The following CASKIN1 variants were observed in gnomAD, a reference collection of about 807,000 sequenced individuals.
CASKIN1 encodes the protein CASK interacting protein 1.
CASKIN1 carries 42 observed loss-of-function variants against 117.5 expected under a neutral mutation model. That is an observed-to-expected ratio of 0.36 (90% CI 0.28 to 0.46). The LOEUF (loss-of-function observed/expected upper bound fraction) is 0.46, where lower values mean the gene tolerates loss of function less well. Ranked by LOEUF, CASKIN1 falls within the 20% of genes least tolerant of loss-of-function variation. The pLI is 1.00. For missense variants in CASKIN1, 2,083 were observed against 2,077.3 expected (o/e 1.00, Z -0.05); for synonymous variants, 1,148 against 961.7 (o/e 1.19, Z -3.59).
rs747871377 is a variant in CASKIN1 at position 2,189,349 on chromosome 16, G to A, written c.391-16C>T. 31 of 1,612,388 alleles carry A rather than the reference G, an allele frequency of 1.9e-5. No individual in the cohort carries two copies. The highest frequency in any genetic ancestry group is 3.3e-5 in the South Asian group (3 of 91,054). On this transcript the variant is annotated splice_polypyrimidine_tract_variant and intron_variant, in intron 4 of 19. Coordinates refer to ENST00000343516, the MANE Select transcript of CASKIN1 (RefSeq NM_020764.4). ...GCATCTCAGACTGGGGGCCAAGGGC[G>A]CAGTCAGGTCCGCACATCCTCAGGC...
In CASKIN1 at chr16:2,185,203, C is replaced by T; in HGVS notation, c.1151-4G>A. ...ATGCTGCCGCTTCGGTCCCCACCTG[C>T]CAGCACAAGGGAGCAAGATGAGGCC... is the stretch of plus-strand genomic sequence containing the variant. On this transcript the variant is annotated splice_polypyrimidine_tract_variant and splice_region_variant and intron_variant, in intron 11 of 19. Coordinates refer to ENST00000343516, the MANE Select transcript of CASKIN1 (RefSeq NM_020764.4). 6.2e-7 allele frequency: 1 copy of T among 1,611,480 alleles called. No individual in the cohort carries two copies. The highest frequency in any genetic ancestry group is 1.1e-5 in the South Asian group (1 of 90,838).
In CASKIN1 at chr16:2,180,355, C is replaced by T. The variant is rs749819495; in HGVS notation, c.3013G>A (p.Ala1005Thr). ...ATGGAGGACAGCTCCAGCATGGCCG[C>T]GATGCTCTTCACACTGCCGGCACTA... Reference protein sequence around the residue: ...TGSAGSVKSIAAMLELSSIGG... With the variant: ...TGSAGSVKSITAMLELSSIGG... Residue 1005 changes from alanine (A) to threonine (T), a missense_variant, in exon 18 of 20, where the codon GCG becomes ACG. By Grantham distance (58) the Ala-to-Thr change is moderately conservative. This residue lies in a region of CASKIN1 where 1,818 missense variants were observed against 1,688.9 expected (regional missense o/e 1.08). Coordinates refer to ENST00000343516, the MANE Select transcript of CASKIN1 (RefSeq NM_020764.4). 8.8e-6 allele frequency: 14 copies of T among 1,596,322 alleles called. No individual in the cohort carries two copies. Among genetic ancestry groups the T allele is most frequent in the African/African-American group, 1.3e-5 (1 of 74,762 alleles).
Position 2,183,870 on chromosome 16 carries a change from G to A in CASKIN1, c.1488C>T (p.Ala496=), listed in dbSNP as rs556230384. The change falls in exon 15 of 20, where the codon GCC becomes GCT. Residue 496 remains alanine, a synonymous_variant. Coordinates refer to ENST00000343516, the MANE Select transcript of CASKIN1 (RefSeq NM_020764.4). ...LQLYAPNFIS[A]GYDLPTISRM... ...GGCTGATGGTGGGCAGGTCGTAGCC[G>A]GCGCTGATGAAGTTGGGGGCGTAGA... The A allele has an allele frequency of 9.3e-6, 15 of 1,612,680 alleles. No homozygotes were observed. The highest frequency in any genetic ancestry group is 8.9e-5 in the East Asian group (4 of 44,856).
Position 2,178,909 on chromosome 16 carries a change from C to T in CASKIN1, c.4192G>A (p.Gly1398Ser). Residue 1398 changes from glycine (G) to serine (S), a missense_variant, in exon 19 of 20, where the codon GGC (glycine) becomes AGC (serine). Transcript: ENST00000343516. Reference protein sequence around the residue: ...EEKIRQEDAQGPRDSAAEKST... With the variant: ...EEKIRQEDAQSPRDSAAEKST... ...GCCCCGCCCCGCACCTACCGCGGGC[C>T]CTGCGCGTCCTCCTGCCGGATCTTC... 6.8e-7 allele frequency: 1 copy of T among 1,472,546 alleles called. No homozygotes were observed. The highest frequency in any genetic ancestry group is 8.9e-7 in the Non-Finnish European group (1 of 1,121,690). The allele number at this position is 1,472,546 out of a possible 1,614,324, so 91.2% of individuals were successfully genotyped here. A position where few individuals can be genotyped will look rare whatever the true frequency, so the allele number is the denominator to read the frequency against.
intron 1 of CASKIN1, among the ~76,000 whole-genome samples, chr16:2,193,893 G>T (rs1385229854): frequency 6.6e-6 from 1 of 152,240 alleles, no homozygotes; most frequent in Non-Finnish European, 1.5e-5. Flanking sequence ...ACTGAGAAGG[G>T]CCTGGGGCTG....
intron 1 of CASKIN1, among the ~76,000 whole-genome samples, chr16:2,194,993 A>G (rs955094383): frequency 2.6e-5 from 4 of 152,206 alleles, no homozygotes; most frequent in Non-Finnish European, 5.9e-5. Flanking sequence ...GAGGAGACTG[A>G]GGTCCACTGA....
In CASKIN1 at chr16:2,178,545, G is replaced by A. The variant is rs1281321271; in HGVS notation, c.*5C>T. 3 of 1,577,122 alleles carry A rather than the reference G, an allele frequency of 1.9e-6. No homozygotes were observed. The highest frequency in any genetic ancestry group is 2.4e-5 in the East Asian group (1 of 42,282). On this transcript the variant is annotated 3_prime_UTR_variant, in exon 20 of 20. Coordinates refer to ENST00000343516, the MANE Select transcript of CASKIN1 (RefSeq NM_020764.4). ...GCGGCGCGGGAGGGCCCGGCCAGGCGGCGTTCACTCCAGCATGGCATCCAG... is the reference window on the plus strand; with the variant it reads ...GCGGCGCGGGAGGGCCCGGCCAGGCAGCGTTCACTCCAGCATGGCATCCAG...
rs1181751803 is a variant in CASKIN1, at chr16:2,182,585, A to G, written c.1630-656T>C. ...CCCGTGGGACCCGGACCTGACCCCT[A>G]GGAGGATCCCCGAGCCACCAATTGA... On this transcript the variant is annotated intron_variant, in intron 16 of 19. Transcript: ENST00000343516. The surrounding 1 kb of genome is among the most constrained non-coding windows in gnomAD (Gnocchi z 4.1). Among the ~76,000 whole-genome samples, 1 of 152,164 alleles carries G rather than the reference A, an allele frequency of 6.6e-6. No individual in the cohort carries two copies. Among genetic ancestry groups the G allele is most frequent in the Non-Finnish European group, 1.5e-5 (1 of 68,012 alleles).
At chr16:2,188,213 G>A (rs576660388) in intron 6 of CASKIN1, among the ~76,000 whole-genome samples, 19 of 151,748 alleles carry the variant, frequency 1.3e-4, no homozygotes, top group African/African-American at 4.4e-4. Flanking sequence ...TAGAGATGGG[G>A]TCTCTCTCTG....
At chr16:2,189,373 GC>G in intron 4 of CASKIN1, 40 bp from the exon 5 acceptor site, 3 of 1,610,948 alleles carry the variant, frequency 1.9e-6, no homozygotes, top group Non-Finnish European at 2.5e-6. Context: ...ACATCCTCAG[GC>G]CGCGCTGCCC....
chr16:2,179,177 G>A lies in CASKIN1; in HGVS notation c.3924C>T (p.Pro1308=). Residue 1308 remains proline (P), a synonymous_variant, in exon 19 of 20, where the codon CCC becomes CCT. Transcript: ENST00000343516. This position sits in a 1 kb window ranked among gnomAD's most constrained non-coding sequence, Gnocchi z 5.8. Reference sequence around the variant, plus strand: ...TACCGGGCGGCTTGGCGAGGGCGGCGGGCGGCTGTCGCGCGGGCGAGGGTG... The same window carrying A: ...TACCGGGCGGCTTGGCGAGGGCGGCAGGCGGCTGTCGCGCGGGCGAGGGTG... ...SPAPSPARQP[P]AALAKPPGTP... is the part of the protein sequence containing the mutation. 9.0e-7 allele frequency: 1 copy of A among 1,117,194 alleles called. No homozygotes were observed. The highest frequency in any genetic ancestry group is 1.7e-5 in the African/African-American group (1 of 59,944). The allele number at this position is 1,117,194 out of a possible 1,614,324, so 69.2% of individuals were successfully genotyped here.
chr16:2,178,528 G>A lies in CASKIN1; in HGVS notation c.*22C>T, dbSNP rs1408331438. Reference sequence around the variant, plus strand: ...GTGCGGGGAGGGCCCGGGCGGCGCGGGAGGGCCCGGCCAGGCGGCGTTCAC... The same window carrying A: ...GTGCGGGGAGGGCCCGGGCGGCGCGAGAGGGCCCGGCCAGGCGGCGTTCAC... On this transcript the variant is annotated 3_prime_UTR_variant, in exon 20 of 20. Coordinates refer to ENST00000343516, the MANE Select transcript of CASKIN1 (RefSeq NM_020764.4). 2.6e-6 allele frequency: 4 copies of A among 1,555,468 alleles called. No individual in the cohort carries two copies. Among genetic ancestry groups the A allele is most frequent in the African/African-American group, 1.4e-5 (1 of 71,060 alleles).
At position 2,178,118 on chromosome 16, in the gene CASKIN1, C is replaced by T. The variant is rs1177894611; in HGVS notation, c.*432G>A. On this transcript the variant is annotated 3_prime_UTR_variant, in exon 20 of 20. Transcript: ENST00000343516. ...AGCTCATTCCCAATAAATTAATACT[C>T]TTGATAGCTTATATTCTGGGGGTGC... 1 of 506,992 alleles carries T rather than the reference C, an allele frequency of 2.0e-6. No homozygotes were observed. The highest frequency in any genetic ancestry group is 3.8e-6 in the Non-Finnish European group (1 of 261,222). The allele number at this position is 506,992 out of a possible 1,614,324, so 31.4% of individuals were successfully genotyped here.
chr16:2,186,806 C>T lies in CASKIN1; in HGVS notation c.949G>A (p.Asp317Asn). ...DIITVLEQHP[D>N]GRWKGCIHDN... ...TGGATGCAGCCCTTCCACCGGCCAT[C>T]CGGATGCTGCTCGAGGACCTGGCCA... The change falls in exon 10 of 20, where the codon GAT becomes AAT. Residue 317 changes from aspartate (D) to asparagine (N), a missense_variant. Asp to Asn is a conservative substitution (Grantham distance 23). Transcript: ENST00000343516. 1.2e-6 allele frequency: 2 copies of T among 1,612,994 alleles called. No individual in the cohort carries two copies. The highest frequency in any genetic ancestry group is 8.5e-7 in the Non-Finnish European group (1 of 1,179,944).
chr16:2,182,576 C>G lies in CASKIN1; in HGVS notation c.1630-647G>C, dbSNP rs994285134. Reference sequence around the variant, plus strand: ...GCGGCAAGGCCCGTGGGACCCGGACCTGACCCCTAGGAGGATCCCCGAGCC... The same window carrying G: ...GCGGCAAGGCCCGTGGGACCCGGACGTGACCCCTAGGAGGATCCCCGAGCC... On this transcript the variant is annotated intron_variant, in intron 16 of 19. Coordinates refer to ENST00000343516, the MANE Select transcript of CASKIN1 (RefSeq NM_020764.4). The surrounding 1 kb of genome is among the most constrained non-coding windows in gnomAD (Gnocchi z 4.1). 2.0e-5 allele frequency among the ~76,000 whole-genome samples: 3 copies of G among 152,230 alleles called. No individual in the cohort carries two copies. The highest frequency in any genetic ancestry group is 4.4e-5 in the Non-Finnish European group (3 of 68,038).
rs1047345652 is a variant in CASKIN1, at chr16:2,182,553, G to A, written c.1630-624C>T. Among the ~76,000 whole-genome samples, 5 of 152,174 alleles carry A rather than the reference G, an allele frequency of 3.3e-5. No homozygotes were observed. Among genetic ancestry groups the A allele is most frequent in the African/African-American group, 7.2e-5 (3 of 41,434 alleles). On this transcript the variant is annotated intron_variant, in intron 16 of 19. Transcript: ENST00000343516. The surrounding 1 kb of genome is among the most constrained non-coding windows in gnomAD (Gnocchi z 4.1). Reference sequence around the variant, plus strand: ...AACACTCAGCCACCCCCAGGTGCGCGGCAAGGCCCGTGGGACCCGGACCTG... The same window carrying A: ...AACACTCAGCCACCCCCAGGTGCGCAGCAAGGCCCGTGGGACCCGGACCTG...
At chr16:2,186,893 C>CA (rs1157766881) in intron 9 of CASKIN1, 69 bp from the exon 10 acceptor site, 28 of 1,603,482 alleles carry the variant, frequency 1.7e-5, no homozygotes, top group Non-Finnish European at 2.2e-5. Context: ...CAGTGCCCCC[C>CA]AGTTGCGGCG....
At chr16:2,184,914 C>T in intron 13 of CASKIN1, 37 bp downstream of exon 13, 6 of 1,580,314 alleles carry the variant, frequency 3.8e-6, no homozygotes, top group Non-Finnish European at 5.2e-6. Flanking sequence ...GGGCTGCTTT[C>T]CTCCATCGGG....
At chr16:2,188,765 A>C in intron 6 of CASKIN1, 2 of 456,392 alleles carry the variant, frequency 4.4e-6, no homozygotes, top group Admixed American at 3.9e-5. Context: ...TGGGAAAGTG[A>C]GGCTCAGGGA....
Sources: gnomAD v4.1 joint callset for allele counts (sites outside exome capture counted in the v4.1 genomes callset) on GRCh38, gnomAD v4.1.1 for gene constraint, gnomAD v4.1.1 regional missense constraint, Gnocchi (gnomAD v3.1) non-coding constraint, MANE v1.5 for transcripts, NCBI Gene and HGNC (gene_info 2026-07-23, HGNC 2026-07-21) for gene names.